CD86: variants seen among roughly 807,000 people sequenced by gnomAD.
The protein encoded by CD86 is CD86 molecule, also known as T-lymphocyte activation antigen CD86.
A neutral mutation model predicts 32.1 loss-of-function variants in CD86; 11 were observed. That is an observed-to-expected ratio of 0.34 (90% CI 0.22 to 0.57). The LOEUF (loss-of-function observed/expected upper bound fraction) is 0.57, where lower values mean the gene tolerates loss of function less well. Ranked by LOEUF, CD86 falls within the 20% of genes least tolerant of loss-of-function variation. The pLI, the probability that CD86 is intolerant of heterozygous loss-of-function variation, is 0.86. For synonymous variants in CD86, 137 were observed against 135.3 expected (o/e 1.01, Z -0.09); for missense variants, 359 against 398.4 (o/e 0.90, Z 0.84).
At chr3:122,106,139 T>A in intron 3 of CD86, 59 bp from the exon 4 acceptor site, 1 of 1,310,790 alleles carries the variant, frequency 7.6e-7, no homozygotes, top group Non-Finnish European at 1.0e-6. Context: ...TATTTGCTAT[T>A]CCCTCCTAGA....
chr3:122,101,513 A>AAAATATAT (rs1202377219), intron 2 of CD86, among the ~76,000 whole-genome samples: 38 of 46,296 alleles, frequency 8.2e-4, no homozygotes, highest in South Asian at 6.1e-3. Context: ...AAAAAAAAAA[A>AAAATATAT]ATATATATAT....
At chr3:122,083,891 G>A (rs1196212028) in intron 1 of CD86, among the ~76,000 whole-genome samples, 2 of 152,164 alleles carry the variant, frequency 1.3e-5, no homozygotes, top group African/African-American at 4.8e-5. Context: ...AACATAAAAT[G>A]TCATTAAAAT....
intron 5 of CD86, among the ~76,000 whole-genome samples, chr3:122,116,576 A>C (rs1160115540): frequency 6.6e-6 from 1 of 152,212 alleles, no homozygotes; most frequent in African/African-American, 2.4e-5. Flanking sequence ...CAGAAATTTT[A>C]AAAAATTTAA....
intron 1 of CD86, among the ~76,000 whole-genome samples, chr3:122,062,560 G>A (rs919811066): frequency 1.2e-4 from 18 of 152,142 alleles, no homozygotes; most frequent in Admixed American, 7.2e-4. Context: ...AGGGTGTGAC[G>A]TTTCATAGGA....
intron 4 of CD86, among the ~76,000 whole-genome samples, chr3:122,107,635 T>A (rs2073112424): frequency 6.6e-6 from 1 of 152,206 alleles, no homozygotes; most frequent in Non-Finnish European, 1.5e-5. Flanking sequence ...GACACCCACA[T>A]CTGCCTTCTT....
chr3:122,098,515 G>A (rs1178379995), intron 2 of CD86, among the ~76,000 whole-genome samples: 2 of 152,170 alleles, frequency 1.3e-5, no homozygotes, highest in African/African-American at 2.4e-5. Context: ...CCAGGGGAAG[G>A]ACTTTGGATG....
intron 5 of CD86, among the ~76,000 whole-genome samples, chr3:122,112,683 T>G (rs1009090093): frequency 2.6e-5 from 4 of 152,228 alleles, no homozygotes; most frequent in African/African-American, 9.7e-5. Context: ...ATCTACCTTT[T>G]AATTGTCTGC....
chr3:122,099,570 G>A (rs2072964021), intron 2 of CD86, among the ~76,000 whole-genome samples: 1 of 152,174 alleles, frequency 6.6e-6, no homozygotes, highest in African/African-American at 2.4e-5. Context: ...CAATTGCCCA[G>A]TTGTAAGAAC....
chr3:122,109,921 T>A (rs2073147524), intron 5 of CD86, among the ~76,000 whole-genome samples: 1 of 152,200 alleles, frequency 6.6e-6, no homozygotes, highest in Non-Finnish European at 1.5e-5. Context: ...GTAATACATA[T>A]CCATTATCAT....
rs1043958851 is a variant in CD86, at chr3:122,106,079, C to T, written c.401-119C>T. The T allele has an allele frequency of 5.7e-6, 4 of 699,650 alleles. No individual in the cohort carries two copies. The South Asian group carries it at 5.9e-5, about 10-fold the overall frequency. 43.3% of individuals were successfully genotyped at this position (699,650 alleles called of 1,614,324 possible). ...TGGGCTGAGGGTCACATTTTAGACA[C>T]CCTGAGGCTCCCAGGTGTGCCCCAA... On this transcript the variant is annotated intron_variant, in intron 3 of 6. Transcript: ENST00000330540.
intron 1 of CD86, among the ~76,000 whole-genome samples, chr3:122,073,421 C>T (rs1485668003): frequency 5.3e-5 from 8 of 151,952 alleles, no homozygotes; most frequent in Admixed American, 5.2e-4. Flanking sequence ...GATACCAGCC[C>T]TTTATCAGAT....
chr3:122,101,511 AAAATATATAT>A (rs1424024221), intron 2 of CD86, among the ~76,000 whole-genome samples: 1 of 24,926 alleles, frequency 4.0e-5, no homozygotes, highest in African/African-American at 1.3e-4. Context: ...AAAAAAAAAA[AAAATATATAT>A]ATATATATAT....
rs747183515 is a variant in CD86, at chr3:122,119,573, C to A, written c.*39C>A. 6.2e-6 allele frequency: 8 copies of A among 1,296,922 alleles called. No individual in the cohort carries two copies. In the East Asian group the frequency reaches 1.2e-4, roughly 19 times the overall value. The allele number at this position is 1,296,922 out of a possible 1,614,324, so 80.3% of individuals were successfully genotyped here. On this transcript the variant is annotated 3_prime_UTR_variant, in exon 7 of 7. Transcript: ENST00000330540. ...CCCATACAAGTATTCATTTTTTCTA[C>A]CCTTTCCTTTGTAAGTTCCTGGGCA...
At chr3:122,078,608 G>T (rs2072587007) in intron 1 of CD86, among the ~76,000 whole-genome samples, 1 of 152,148 alleles carries the variant, frequency 6.6e-6, no homozygotes, top group Non-Finnish European at 1.5e-5. Context: ...CAGAGACCAA[G>T]ATCTAATTTA....
At chr3:122,065,162 A>G (rs932613515) in intron 1 of CD86, among the ~76,000 whole-genome samples, 1 of 152,200 alleles carries the variant, frequency 6.6e-6, no homozygotes, top group Non-Finnish European at 1.5e-5. Context: ...GTCTGATCCC[A>G]GAGCCAAGCT....
intron 6 of CD86, 46 bp downstream of exon 6, chr3:122,118,139 C>T (rs182035597): frequency 6.6e-7 from 1 of 1,508,144 alleles, no homozygotes; most frequent in Admixed American, 1.7e-5. Context: ...GTATAATCCC[C>T]AGAGTGCCTG....
intron 1 of CD86, among the ~76,000 whole-genome samples, chr3:122,078,406 T>A (rs1383531220): frequency 6.6e-6 from 1 of 152,174 alleles, no homozygotes; most frequent in African/African-American, 2.4e-5. Flanking sequence ...TCCAAAGATG[T>A]CAGCTCGCCT....
intron 1 of CD86, among the ~76,000 whole-genome samples, chr3:122,082,098 T>C (rs1338592701): frequency 6.6e-6 from 1 of 152,236 alleles, no homozygotes; most frequent in Non-Finnish European, 1.5e-5. Context: ...GTTCAACCAC[T>C]TACTCAATTC....
At chr3:122,117,203 T>C (rs2073267266) in intron 5 of CD86, among the ~76,000 whole-genome samples, 1 of 152,156 alleles carries the variant, frequency 6.6e-6, no homozygotes, top group African/African-American at 2.4e-5. Context: ...CTTTTATCCT[T>C]CATCCACCTC....
Sources: gnomAD v4.1 joint callset for allele counts (sites outside exome capture counted in the v4.1 genomes callset) on GRCh38, gnomAD v4.1.1 for gene constraint, MANE v1.5 for transcripts, NCBI Gene and HGNC (gene_info 2026-07-23, HGNC 2026-07-21) for gene names.